KALRN: variants seen among roughly 807,000 people sequenced by gnomAD.
KALRN encodes kalirin.
A neutral mutation model predicts 353.7 loss-of-function variants in KALRN; 70 were observed. The observed-to-expected ratio is 0.20, with a 90% CI of 0.16 to 0.24. KALRN has a LOEUF of 0.24. KALRN is among the 10% of genes least tolerant of loss of function. The probability of loss-of-function intolerance (pLI) is 1.00; values close to 1 mark genes in which losing one functional copy is unlikely to be tolerated. For missense variants in KALRN, 2,791 were observed against 3,756.7 expected, an observed-to-expected ratio of 0.74 and a Z score of 6.72; for synonymous variants, 1,391 against 1,434.8, an observed-to-expected ratio of 0.97 and a Z score of 0.69.
chr3:124,498,350 A>T (rs1001238775), intron 33 of KALRN, among the ~76,000 whole-genome samples: 4 of 152,192 alleles, frequency 2.6e-5, no homozygotes, highest in East Asian at 3.9e-4. Flanking sequence ...TTTTTGTTTC[A>T]TGTCTGTCTC....
At chr3:124,433,724 C>A (rs1210073859) in intron 16 of KALRN, among the ~76,000 whole-genome samples, 1 of 152,098 alleles carries the variant, frequency 6.6e-6, no homozygotes, top group Admixed American at 6.5e-5. Flanking sequence ...TTATGCCCCC[C>A]AGTGAAGTAA....
intron 1 of KALRN, among the ~76,000 whole-genome samples, chr3:124,225,485 C>T (rs1246186895): frequency 1.3e-5 from 2 of 152,148 alleles, no homozygotes; most frequent in East Asian, 3.9e-4. Flanking sequence ...CAGGGAGGAC[C>T]CTGGCCTGGG....
intron 36 of KALRN, 182 bp from the exon 37 acceptor site, chr3:124,637,026 G>A (rs1041451176): frequency 1.0e-5 from 6 of 595,820 alleles, no homozygotes; most frequent in South Asian, 7.8e-5. Context: ...TTCCTAATAA[G>A]GGGTTGGGCA....
chr3:124,478,388 T>C (rs983737753), intron 27 of KALRN, among the ~76,000 whole-genome samples: 7 of 152,344 alleles, frequency 4.6e-5, no homozygotes, highest in African/African-American at 1.7e-4. Flanking sequence ...TGTACTCAAG[T>C]GTGCAAAAGA....
At chr3:124,086,885 G>A (rs2060856142) in intron 1 of KALRN, among the ~76,000 whole-genome samples, 1 of 152,090 alleles carries the variant, frequency 6.6e-6, no homozygotes, top group Non-Finnish European at 1.5e-5. Context: ...ATCCCTTTCT[G>A]ATCAACAGCA....
intron 34 of KALRN, chr3:124,584,631 TG>T (rs2074944409): frequency 2.1e-6 from 3 of 1,409,302 alleles, no homozygotes; most frequent in African/African-American, 3.0e-5. Context: ...CCTCCCCGCC[TG>T]GCCCCTCCCC....
chr3:124,184,492 C>G (rs1259921344), intron 1 of KALRN, among the ~76,000 whole-genome samples: 1 of 152,138 alleles, frequency 6.6e-6, no homozygotes, highest in Non-Finnish European at 1.5e-5. Flanking sequence ...CAGCCTCTTC[C>G]CCTGTGTTCT....
At chr3:124,252,448 A>G (rs553682972) in intron 3 of KALRN, among the ~76,000 whole-genome samples, 2 of 152,330 alleles carry the variant, frequency 1.3e-5, no homozygotes, top group South Asian at 4.1e-4. Context: ...CTATGAGGCA[A>G]GATAGCATGG....
chr3:124,445,691 T>A (rs1390097077), intron 19 of KALRN, among the ~76,000 whole-genome samples: 1 of 152,184 alleles, frequency 6.6e-6, no homozygotes, highest in African/African-American at 2.4e-5. Flanking sequence ...TTGCTCATGA[T>A]GTGGGTTGTC....
At chr3:124,182,911 AAAAT>A (rs533922416) in intron 1 of KALRN, among the ~76,000 whole-genome samples, 51 of 152,346 alleles carry the variant, frequency 3.3e-4, no homozygotes, top group African/African-American at 1.2e-3. Flanking sequence ...CATAAAAAGA[AAAAT>A]AAAGTGTTGG....
intron 6 of KALRN, among the ~76,000 whole-genome samples, chr3:124,301,212 A>G (rs1179486463): frequency 2.6e-5 from 4 of 152,238 alleles, no homozygotes; most frequent in African/African-American, 9.6e-5. Flanking sequence ...CTTTGAATTA[A>G]CTGCTCTTCT....
intron 1 of KALRN, among the ~76,000 whole-genome samples, chr3:124,166,736 T>A (rs1005552284): frequency 6.6e-6 from 1 of 152,148 alleles, no homozygotes; most frequent in Admixed American, 6.5e-5. Context: ...CAGATGTTTT[T>A]TTGAACATCT....
intron 33 of KALRN, among the ~76,000 whole-genome samples, chr3:124,531,907 G>C (rs2068075912): frequency 6.6e-6 from 1 of 152,126 alleles, no homozygotes; most frequent in Non-Finnish European, 1.5e-5. Context: ...ATATGTAGGG[G>C]GTCAGTGCTA....
chr3:124,331,989 G>A (rs913073639), intron 8 of KALRN, among the ~76,000 whole-genome samples: 1 of 152,102 alleles, frequency 6.6e-6, no homozygotes, highest in Admixed American at 6.5e-5. Context: ...GACAGCATTT[G>A]CTCAGAATTC....
intron 34 of KALRN, among the ~76,000 whole-genome samples, chr3:124,576,937 A>G (rs1239294839): frequency 1.3e-5 from 2 of 152,188 alleles, no homozygotes; most frequent in Non-Finnish European, 2.9e-5. Flanking sequence ...GGAAGTAGAT[A>G]AAACCTGGAG....
intron 1 of KALRN, among the ~76,000 whole-genome samples, chr3:124,125,590 C>T (rs2064559181): frequency 6.6e-6 from 1 of 152,248 alleles, no homozygotes; most frequent in South Asian, 2.1e-4. Context: ...CTTCCAGGCC[C>T]ACTCTTCCTT....
At chr3:124,126,771 A>G (rs34206721) in intron 1 of KALRN, among the ~76,000 whole-genome samples, 16,633 of 152,240 alleles carry the variant, frequency 0.11, 1,184 homozygotes, top group Middle Eastern at 0.2. Flanking sequence ...AGTTTCATCT[A>G]CTCCATATGT....
At chr3:124,637,052 C>T (rs999900512) in intron 36 of KALRN, 156 bp from the exon 37 acceptor site, 4 of 654,096 alleles carry the variant, frequency 6.1e-6, no homozygotes, top group African/African-American at 5.3e-5. Context: ...GTATGTATTA[C>T]ACCCACACTC....
intron 51 of KALRN, among the ~76,000 whole-genome samples, chr3:124,689,782 T>C (rs1051244997): frequency 1.3e-5 from 2 of 152,148 alleles, no homozygotes; most frequent in African/African-American, 4.8e-5. Context: ...AAAATATGAC[T>C]GATGGTTCAT....
Sources: gnomAD v4.1 joint callset for allele counts (sites outside exome capture counted in the v4.1 genomes callset) on GRCh38, gnomAD v4.1.1 for gene constraint, MANE v1.5 for transcripts, NCBI Gene and HGNC (gene_info 2026-07-23, HGNC 2026-07-21) for gene names.